Variants in SPMAP2L observed in about 807,000 individuals in gnomAD.
SPMAP2L encodes sperm microtubule associated protein 2-like.
the SPMAP2L span, among the ~76,000 whole-genome samples, chr4:56,611,166 C>T: frequency 1.6e-3 from 236 of 152,224 alleles, no homozygotes; most frequent in African/African-American, 5.2e-3. Flanking sequence ...CAGCACAATT[C>T]GCAATTTCAA....
chr4:56,539,298 G>A, the SPMAP2L span, among the ~76,000 whole-genome samples: 3 of 152,186 alleles, frequency 2.0e-5, no homozygotes, highest in Non-Finnish European at 2.9e-5. Flanking sequence ...TGGTTGGGGA[G>A]GCTGAATATA....
At chr4:56,595,365 C>T in the SPMAP2L span, 1 of 1,604,462 alleles carries the variant, frequency 6.2e-7, no homozygotes, top group Non-Finnish European at 8.5e-7. Flanking sequence ...CAGGGACCCT[C>T]ATGGTTGAGC....
the SPMAP2L span, among the ~76,000 whole-genome samples, chr4:56,568,701 T>C: frequency 6.6e-6 from 1 of 152,218 alleles, no homozygotes; most frequent in East Asian, 1.9e-4. Context: ...AGTGTATAAA[T>C]TAGAGTTTGG....
chr4:56,589,974 G>A, the SPMAP2L span, among the ~76,000 whole-genome samples: 20 of 152,208 alleles, frequency 1.3e-4, no homozygotes, highest in East Asian at 3.1e-3. Flanking sequence ...GTAACAGTTT[G>A]ACTTCCTCTT....
At chr4:56,559,276 A>G in the SPMAP2L span, 9 of 1,060,224 alleles carry the variant, frequency 8.5e-6, no homozygotes, top group African/African-American at 1.8e-5. Flanking sequence ...GCTCCACTCC[A>G]GCCTGGGCAA....
At chr4:56,586,398 C>T in the SPMAP2L span, among the ~76,000 whole-genome samples, 1 of 152,094 alleles carries the variant, frequency 6.6e-6, no homozygotes, top group African/African-American at 2.4e-5. Context: ...GGTCTCTCTT[C>T]CTTTTCTTAT....
chr4:56,593,007 T>G, the SPMAP2L span: 1 of 1,600,176 alleles, frequency 6.2e-7, no homozygotes, highest in Non-Finnish European at 8.6e-7. Flanking sequence ...AATGAAATCC[T>G]TGCAACTCTG....
At chr4:56,607,336 C>T in the SPMAP2L span, among the ~76,000 whole-genome samples, 9 of 152,082 alleles carry the variant, frequency 5.9e-5, no homozygotes, top group African/African-American at 2.2e-4. Context: ...TACCAGATAC[C>T]GAATCTATTG....
At chr4:56,597,482 G>A in the SPMAP2L span, among the ~76,000 whole-genome samples, 7 of 152,118 alleles carry the variant, frequency 4.6e-5, no homozygotes, top group African/African-American at 1.7e-4. Flanking sequence ...GCCAAAAGAG[G>A]TGGGGCCAGT....
the SPMAP2L span, among the ~76,000 whole-genome samples, chr4:56,556,650 A>G: frequency 6.6e-6 from 1 of 152,214 alleles, no homozygotes; most frequent in Non-Finnish European, 1.5e-5. Context: ...GAATGGGTGG[A>G]TCACTTGAGG....
chr4:56,567,150 C>T, the SPMAP2L span, among the ~76,000 whole-genome samples: 2 of 151,974 alleles, frequency 1.3e-5, no homozygotes, highest in Admixed American at 6.6e-5. Context: ...TAAGAAAAAG[C>T]GTTTTATATT....
the SPMAP2L span, among the ~76,000 whole-genome samples, chr4:56,585,911 A>G: frequency 6.6e-6 from 1 of 152,166 alleles, no homozygotes; most frequent in African/African-American, 2.4e-5. Context: ...TCTAAAACCA[A>G]TACAGAGAAC....
At chr4:56,622,402 A>G in the SPMAP2L span, among the ~76,000 whole-genome samples, 3 of 152,388 alleles carry the variant, frequency 2.0e-5, no homozygotes, top group Admixed American at 2.0e-4. Flanking sequence ...GTTGACTGTC[A>G]TGAACATTAA....
chr4:56,625,787 T>C, the SPMAP2L span, among the ~76,000 whole-genome samples: 1 of 152,230 alleles, frequency 6.6e-6, no homozygotes, highest in African/African-American at 2.4e-5. Flanking sequence ...ATCAGCAGCA[T>C]GAAAACGGAC....
At chr4:56,590,915 A>G in the SPMAP2L span, among the ~76,000 whole-genome samples, 1 of 152,106 alleles carries the variant, frequency 6.6e-6, no homozygotes, top group African/African-American at 2.4e-5. Flanking sequence ...AAGAGGTAGG[A>G]TCTTCAGTTT....
the SPMAP2L span, among the ~76,000 whole-genome samples, chr4:56,576,162 C>T: frequency 2.0e-5 from 3 of 152,218 alleles, no homozygotes; most frequent in South Asian, 4.1e-4. Context: ...CTACTTTAGT[C>T]GGAACACACT....
chr4:56,547,456 G>A, the SPMAP2L span, among the ~76,000 whole-genome samples: 1 of 152,090 alleles, frequency 6.6e-6, no homozygotes, highest in Non-Finnish European at 1.5e-5. Flanking sequence ...ATCTTGGCTA[G>A]GCTGATCTCG....
the SPMAP2L span, among the ~76,000 whole-genome samples, chr4:56,623,055 T>G: frequency 6.6e-6 from 1 of 152,150 alleles, no homozygotes; most frequent in East Asian, 1.9e-4. Flanking sequence ...TTCCTCCATA[T>G]GTTCCCTTTG....
the SPMAP2L span, among the ~76,000 whole-genome samples, chr4:56,572,106 T>C: frequency 5.3e-5 from 8 of 152,318 alleles, no homozygotes; most frequent in East Asian, 1.5e-3. Flanking sequence ...ACCCGTAACA[T>C]GTAGTAAATA....
Sources: gnomAD v4.1 joint callset for allele counts (sites outside exome capture counted in the v4.1 genomes callset) on GRCh38, gnomAD v4.1.1 for gene constraint, MANE v1.5 for transcripts, NCBI Gene and HGNC (gene_info 2026-07-23, HGNC 2026-07-21) for gene names.